Variants in QSOX2 observed in about 807,000 individuals in gnomAD.
QSOX2 encodes the protein quiescin sulfhydryl oxidase 2, also known as sulfhydryl oxidase 2.
A neutral mutation model predicts 61.7 loss-of-function variants in QSOX2; 46 were observed. The ratio of observed to expected loss-of-function variants is 0.75; its 90% confidence interval spans 0.59 to 0.95. The LOEUF is 0.95. Among genes scored for constraint, QSOX2 ranks in the 40% least tolerant of loss-of-function variants. QSOX2 has a pLI of 0.00. For synonymous variants in QSOX2, 383 were observed against 388.4 expected, an observed-to-expected ratio of 0.99 and a Z score of 0.16; for missense variants, 879 against 918.9, an observed-to-expected ratio of 0.96 and a Z score of 0.56.
chr9:136,219,170 A>T lies in QSOX2; in HGVS notation c.822-6T>A. On this transcript the variant is annotated splice_polypyrimidine_tract_variant and splice_region_variant and intron_variant, in intron 6 of 11. Coordinates refer to ENST00000358701, the MANE Select transcript of QSOX2 (RefSeq NM_181701.4). ...AGGCCCGCAGAGGCTTCACGCTGTGAGAGAGGGGAGGGCAAAGGTGAGAAG... is the reference window on the plus strand; with the variant it reads ...AGGCCCGCAGAGGCTTCACGCTGTGTGAGAGGGGAGGGCAAAGGTGAGAAG... The T allele has an allele frequency of 6.2e-7, 1 of 1,612,070 alleles. No individual in the cohort carries two copies. Among genetic ancestry groups the T allele is most frequent in the African/African-American group, 1.3e-5 (1 of 74,842 alleles).
intron 1 of QSOX2, among the ~76,000 whole-genome samples, chr9:136,236,201 G>A (rs764842539): frequency 3.3e-4 from 51 of 152,304 alleles, no homozygotes; most frequent in Non-Finnish European, 6.6e-4. Context: ...TCCCTGCTCC[G>A]CACAGAGAGC....
At chr9:136,211,989 G>A (rs1831852286) in intron 10 of QSOX2, among the ~76,000 whole-genome samples, 1 of 152,262 alleles carries the variant, frequency 6.6e-6, no homozygotes, top group African/African-American at 2.4e-5. Context: ...GCCTTAGGAA[G>A]TGACTCTTAA....
chr9:136,235,410 G>C (rs367544638), intron 1 of QSOX2, among the ~76,000 whole-genome samples: 2 of 152,220 alleles, frequency 1.3e-5, no homozygotes, highest in Non-Finnish European at 2.9e-5. Flanking sequence ...AAGGAGAGAA[G>C]ACAACTCAGG....
chr9:136,225,306 A>G (rs1298524983), intron 2 of QSOX2, among the ~76,000 whole-genome samples: 1 of 152,258 alleles, frequency 6.6e-6, no homozygotes, highest in Non-Finnish European at 1.5e-5. Flanking sequence ...ACCACGCAGT[A>G]TCTCTGAGTG....
At chr9:136,234,336 T>C (rs1227563185) in intron 1 of QSOX2, among the ~76,000 whole-genome samples, 2 of 152,178 alleles carry the variant, frequency 1.3e-5, no homozygotes, top group Admixed American at 6.5e-5. Flanking sequence ...TCGCAGGTTA[T>C]ATACACATTT....
chr9:136,245,215 G>T (rs1830461544), intron 1 of QSOX2, among the ~76,000 whole-genome samples: 1 of 152,172 alleles, frequency 6.6e-6, no homozygotes, highest in African/African-American at 2.4e-5. Context: ...GTTTCATTTT[G>T]ACTTCAGACA....
chr9:136,213,312 T>C (rs1216141147), intron 10 of QSOX2, among the ~76,000 whole-genome samples: 1 of 147,838 alleles, frequency 6.8e-6, no homozygotes, highest in Non-Finnish European at 1.5e-5. Context: ...GGCATGATCT[T>C]GGCTCACTGC....
intron 1 of QSOX2, among the ~76,000 whole-genome samples, chr9:136,229,903 C>G (rs985029781): frequency 6.6e-6 from 1 of 152,226 alleles, no homozygotes; most frequent in Non-Finnish European, 1.5e-5. Flanking sequence ...GAGCCCTGCA[C>G]AGCGACCGTG....
In QSOX2 at chr9:136,221,698, C is replaced by T. The variant is rs553622762; in HGVS notation, c.821+98G>A. On this transcript the variant is annotated intron_variant, in intron 6 of 11. Transcript: ENST00000358701. The surrounding 1 kb of genome is among the most constrained non-coding windows in gnomAD (Gnocchi z 4.5). ...GGGAAGCGAGGCGGAGGGGCCAGGG[C>T]TCCCCCGATCTCACACCAGACTTGC... 4.5e-6 allele frequency: 6 copies of T among 1,336,014 alleles called. No homozygotes were observed. The East Asian group carries it at 1.3e-4, about 28-fold the overall frequency. 82.8% of individuals were successfully genotyped at this position (1,336,014 alleles called of 1,614,324 possible).
At chr9:136,244,776 G>A (rs1234878877) in intron 1 of QSOX2, among the ~76,000 whole-genome samples, 3 of 152,212 alleles carry the variant, frequency 2.0e-5, no homozygotes, top group Non-Finnish European at 4.4e-5. Context: ...CAGCAGTTTG[G>A]TGAAAGATTT....
At chr9:136,239,898 CA>C (rs1470021851) in intron 1 of QSOX2, among the ~76,000 whole-genome samples, 53 of 152,370 alleles carry the variant, frequency 3.5e-4, no homozygotes, top group African/African-American at 1.3e-3. Flanking sequence ...CATGGCAACA[CA>C]AAAGATATGG....
chr9:136,228,949 T>C (rs1293561881), intron 1 of QSOX2, among the ~76,000 whole-genome samples: 1 of 152,206 alleles, frequency 6.6e-6, no homozygotes, highest in Non-Finnish European at 1.5e-5. Context: ...GTTAAAAGCA[T>C]GCCTGGAAGA....
rs1428846258 is a variant in QSOX2 at position 136,222,158 on chromosome 9, A to G, written c.676-217T>C. On this transcript the variant is annotated intron_variant, in intron 5 of 11. Coordinates refer to ENST00000358701, the MANE Select transcript of QSOX2 (RefSeq NM_181701.4). This position sits in a 1 kb window ranked among gnomAD's most constrained non-coding sequence, Gnocchi z 6.9. ...GCAGAAACCACGGTCTTATTCGGCA[A>G]TTTTACAAACTCATCAAAGAAAACA... Among the ~76,000 whole-genome samples the G allele has an allele frequency of 6.6e-6, 1 of 152,212 alleles. No individual in the cohort carries two copies. Among genetic ancestry groups the G allele is most frequent in the African/African-American group, 2.4e-5 (1 of 41,462 alleles).
intron 10 of QSOX2, among the ~76,000 whole-genome samples, chr9:136,213,243 G>GTTTT (rs398046934): frequency 9.0e-6 from 1 of 111,024 alleles, no homozygotes; most frequent in African/African-American, 3.6e-5. Context: ...GTTTTGTTGT[G>GTTTT]TTTTTTTTTT....
At position 136,209,036 on chromosome 9, in the gene QSOX2, G is replaced by C. The variant is rs201225826; in HGVS notation, c.1789C>G (p.Pro597Ala). The C allele has an allele frequency of 1.2e-6, 2 of 1,614,096 alleles. No homozygotes were observed. Among genetic ancestry groups the C allele is most frequent in the Non-Finnish European group, 1.7e-6 (2 of 1,179,996 alleles). The part of the protein sequence containing the change: ...GEEEEKRLTP[P>A]EVSHGDRDTQ... ...TCTCGGTCTCCATGGGACACCTCTG[G>C]GGGAGTGAGTCTTTTCTCCTCTTCC... Residue 597 changes from proline to alanine, a missense_variant, in exon 12 of 12, where the codon CCA (proline) becomes GCA (alanine). By Grantham distance (27) the Pro-to-Ala change is conservative. Coordinates refer to ENST00000358701, the MANE Select transcript of QSOX2 (RefSeq NM_181701.4). The surrounding 1 kb of genome is among the most constrained non-coding windows in gnomAD (Gnocchi z 5.6).
Position 136,232,931 on chromosome 9 carries a change from A to AG in QSOX2, c.329-6058_329-6057insC, listed in dbSNP as rs545045363. 1.7e-3 allele frequency among the ~76,000 whole-genome samples: 252 copies of AG among 150,002 alleles called. 2 individuals are homozygous for AG. The highest frequency in any genetic ancestry group is 2.9e-3 in the Non-Finnish European group (198 of 67,554). On this transcript the variant is annotated intron_variant, in intron 1 of 11. Coordinates refer to ENST00000358701, the MANE Select transcript of QSOX2 (RefSeq NM_181701.4). The stretch of plus-strand genomic sequence containing the variant: ...AGAACCTGTCTCAAAAAAAAAAAAA[A>AG]AAAAAAAGAAAAAAGAAAAAAAAAG...
In QSOX2 at chr9:136,208,908, G is replaced by A. The variant is rs148681480; in HGVS notation, c.1917C>T (p.Pro639=). 40 of 1,613,876 alleles carry A rather than the reference G, an allele frequency of 2.5e-5. No individual in the cohort carries two copies. The highest frequency in any genetic ancestry group is 3.3e-4 in the Middle Eastern group (2 of 6,060). Residue 639 remains proline, a synonymous_variant, in exon 12 of 12, where the codon CCC becomes CCT. Coordinates refer to ENST00000358701, the MANE Select transcript of QSOX2 (RefSeq NM_181701.4). ...LDGKLQSLDG[P]GAHKEVGGAA... is the part of the protein sequence containing the mutation. Reference sequence around the variant, plus strand: ...CCCCGCCCACCTCCTTGTGGGCCCCGGGCCCATCCAGACTCTGGAGTTTCC... The same window carrying A: ...CCCCGCCCACCTCCTTGTGGGCCCCAGGCCCATCCAGACTCTGGAGTTTCC...
chr9:136,234,986 C>T (rs965338778), intron 1 of QSOX2, among the ~76,000 whole-genome samples: 1 of 152,206 alleles, frequency 6.6e-6, no homozygotes, highest in African/African-American at 2.4e-5. Context: ...AATGCCACTT[C>T]ATCTGAGTCT....
At chr9:136,243,602 G>GT (rs772837006) in intron 1 of QSOX2, among the ~76,000 whole-genome samples, 5 of 152,296 alleles carry the variant, frequency 3.3e-5, no homozygotes, top group Non-Finnish European at 7.3e-5. Flanking sequence ...TCAAATTAAC[G>GT]TGACTGCCTA....
Sources: allele counts gnomAD v4.1 joint callset (sites outside exome capture counted in the v4.1 genomes callset), GRCh38; gene constraint gnomAD v4.1.1; non-coding constraint Gnocchi (gnomAD v3.1); transcripts MANE v1.5; gene names NCBI Gene and HGNC (gene_info 2026-07-23, HGNC 2026-07-21).